Variants in PRKG1 observed in about 807,000 individuals in gnomAD.
PRKG1 encodes the protein cGMP-dependent protein kinase 1.
In PRKG1, 35 loss-of-function variants were observed where a neutral mutation model predicts 88.1. The observed-to-expected ratio is 0.40, with a 90% confidence interval of 0.30 to 0.53. The LOEUF is 0.53. PRKG1 is among the 20% of genes least tolerant of loss of function. The pLI is 0.59. For synonymous variants in PRKG1, 303 were observed against 292.5 expected, an observed-to-expected ratio of 1.04 and a Z score of -0.37; for missense variants, 540 against 839.8, an observed-to-expected ratio of 0.64 and a Z score of 4.41.
intron 3 of PRKG1, among the ~76,000 whole-genome samples, chr10:51,783,338 G>A (rs757222288): frequency 6.6e-6 from 1 of 152,000 alleles, no homozygotes; most frequent in Admixed American, 6.6e-5. Flanking sequence ...GAGTTCAGTG[G>A]CATGATCTCA....
chr10:51,529,282 T>C (rs1444006755), intron 3 of PRKG1, among the ~76,000 whole-genome samples: 6 of 152,284 alleles, frequency 3.9e-5, no homozygotes, highest in Non-Finnish European at 7.4e-5. Context: ...CACTATTGCA[T>C]TGATGTCTTT....
intron 9 of PRKG1, among the ~76,000 whole-genome samples, chr10:52,244,837 T>TATATATTTAG (rs1840976717): frequency 4.3e-5 from 1 of 23,234 alleles, no homozygotes; most frequent in Non-Finnish European, 1.4e-4. Context: ...TATACTTTAA[T>TATATATTTAG]ATATATTTAA....
At chr10:51,168,765 G>A (rs1173303612) in intron 2 of PRKG1, among the ~76,000 whole-genome samples, 2 of 152,178 alleles carry the variant, frequency 1.3e-5, no homozygotes, top group African/African-American at 4.8e-5. Flanking sequence ...CTCTTAAATA[G>A]TCTTGATAAA....
intron 12 of PRKG1, among the ~76,000 whole-genome samples, chr10:52,273,607 C>T (rs767540065): frequency 6.6e-6 from 1 of 151,950 alleles, no homozygotes; most frequent in African/African-American, 2.4e-5. Context: ...CGTGTTATTC[C>T]CATGGCCTTT....
chr10:51,247,291 T>C (rs565953899), intron 2 of PRKG1, among the ~76,000 whole-genome samples: 3 of 152,084 alleles, frequency 2.0e-5, no homozygotes, highest in African/African-American at 7.2e-5. Context: ...CAATTTTCCC[T>C]CCATACTCAT....
chr10:52,104,336 G>A (rs1261611338), intron 7 of PRKG1, among the ~76,000 whole-genome samples: 2 of 151,940 alleles, frequency 1.3e-5, no homozygotes, highest in East Asian at 1.9e-4. Flanking sequence ...TAAAAAGGAA[G>A]TCATTTAGGG....
At chr10:51,617,728 G>A (rs939579556) in intron 3 of PRKG1, among the ~76,000 whole-genome samples, 2 of 152,074 alleles carry the variant, frequency 1.3e-5, no homozygotes, top group African/African-American at 4.8e-5. Context: ...TGATGAAATC[G>A]CCTAATGACA....
At chr10:51,901,269 TAATGATTAGTTTGTTCTGGTACTAGAAG>T (rs1841973164) in intron 4 of PRKG1, among the ~76,000 whole-genome samples, 2 of 152,222 alleles carry the variant, frequency 1.3e-5, no homozygotes, top group Admixed American at 6.5e-5. Context: ...ATAATTTCTT[TAATGATTAGTTTGTTCTGGTACTAGAAG>T]AATGATTAGT....
At chr10:51,069,996 C>T (rs1843803467), upstream of PRKG1, among the ~76,000 whole-genome samples, 1 of 152,054 alleles carries the variant, frequency 6.6e-6, no homozygotes, top group Admixed American at 6.6e-5. Context: ...CTTGTTGCTG[C>T]TCTTTCAGGA....
At chr10:51,523,284 C>T (rs1395235938) in intron 3 of PRKG1, among the ~76,000 whole-genome samples, 1 of 152,154 alleles carries the variant, frequency 6.6e-6, no homozygotes, top group East Asian at 1.9e-4. Flanking sequence ...TTCTCTACCT[C>T]AATCTCTGTG....
At chr10:51,457,515 TCACCA>T (rs775345408) in intron 2 of PRKG1, among the ~76,000 whole-genome samples, 23 of 152,196 alleles carry the variant, frequency 1.5e-4, no homozygotes, top group Admixed American at 5.9e-4. Flanking sequence ...ATCTCAGAAA[TCACCA>T]CTGAAGAACT....
intron 3 of PRKG1, among the ~76,000 whole-genome samples, chr10:51,562,809 C>T (rs1837502789): frequency 6.6e-6 from 1 of 152,090 alleles, no homozygotes; most frequent in African/African-American, 2.4e-5. Context: ...CATTCTGTCA[C>T]CCAGGCTGGA....
intron 9 of PRKG1, among the ~76,000 whole-genome samples, chr10:52,240,590 A>T (rs1320716858): frequency 6.6e-6 from 1 of 152,170 alleles, no homozygotes; most frequent in Non-Finnish European, 1.5e-5. Flanking sequence ...TCATAGAACA[A>T]TGCCAAATTT....
At chr10:51,349,738 C>A (rs1470888113) in intron 2 of PRKG1, among the ~76,000 whole-genome samples, 1 of 152,000 alleles carries the variant, frequency 6.6e-6, no homozygotes, top group African/African-American at 2.4e-5. Flanking sequence ...AACTCCTGAC[C>A]TCAAGTGATC....
intron 3 of PRKG1, among the ~76,000 whole-genome samples, chr10:51,641,178 A>G (rs577918101): frequency 1.3e-5 from 2 of 152,302 alleles, no homozygotes; most frequent in East Asian, 3.9e-4. Flanking sequence ...TCCAGAAGTG[A>G]CTGGGGAGAG....
At chr10:52,140,958 A>G (rs957047488) in intron 8 of PRKG1, among the ~76,000 whole-genome samples, 1 of 152,162 alleles carries the variant, frequency 6.6e-6, no homozygotes, top group African/African-American at 2.4e-5. Flanking sequence ...CACTTAAAAT[A>G]TTTCACAGCC....
intron 3 of PRKG1, among the ~76,000 whole-genome samples, chr10:51,711,299 G>A (rs1426315775): frequency 6.6e-6 from 1 of 151,548 alleles, no homozygotes; most frequent in Non-Finnish European, 1.5e-5. Flanking sequence ...TAGAGACAGG[G>A]TTCATCGTGT....
chr10:51,835,913 A>G (rs982454578), intron 4 of PRKG1, among the ~76,000 whole-genome samples: 6 of 152,182 alleles, frequency 3.9e-5, no homozygotes, highest in South Asian at 2.1e-4. Flanking sequence ...CATGTTTTTA[A>G]TAATAACAAA....
At chr10:52,218,762 T>C (rs1377897703) in intron 9 of PRKG1, among the ~76,000 whole-genome samples, 4 of 152,172 alleles carry the variant, frequency 2.6e-5, no homozygotes, top group Admixed American at 2.6e-4. Context: ...TTTGATACCT[T>C]CAAAGTGTTT....
Sources: gnomAD v4.1 joint callset for allele counts (sites outside exome capture counted in the v4.1 genomes callset) on GRCh38, gnomAD v4.1.1 for gene constraint, MANE v1.5 for transcripts, NCBI Gene and HGNC (gene_info 2026-07-23, HGNC 2026-07-21) for gene names.